The following RFC3 variants were observed in gnomAD, a reference collection of about 807,000 sequenced individuals.
RFC3 encodes the protein A1 38 kDa subunit.
Under a neutral mutation model 45.1 loss-of-function variants are expected in RFC3, and 41 were observed. The ratio of observed to expected loss-of-function variants is 0.91; its 90% CI spans 0.71 to 1.18. The LOEUF (loss-of-function observed/expected upper bound fraction) is 1.18. Ranked by LOEUF, RFC3 falls within the 50% of genes most tolerant of loss-of-function variation. The probability of loss-of-function intolerance (pLI) is 0.00; values close to 1 mark genes in which losing one functional copy is unlikely to be tolerated. For synonymous variants in RFC3, 149 were observed against 144.0 expected (o/e 1.03, Z -0.25); for missense variants, 423 against 428.1 (o/e 0.99, Z 0.10).
chr13:33,959,663 G>A (rs1217693531), intron 8 of RFC3, among the ~76,000 whole-genome samples: 1 of 152,124 alleles, frequency 6.6e-6, no homozygotes, highest in East Asian at 1.9e-4. Flanking sequence ...ACCAGACAGT[G>A]ATCTCTGGCA....
chr13:33,967,936 T>C (rs182208294), downstream of RFC3, among the ~76,000 whole-genome samples: 4 of 152,300 alleles, frequency 2.6e-5, no homozygotes, highest in Admixed American at 1.3e-4. Context: ...TCCATAAAGC[T>C]CTTTGGAATA....
At chr13:33,883,912 C>T (rs6562162) in intron 8 of RFC3, among the ~76,000 whole-genome samples, 15,141 of 151,950 alleles carry the variant, frequency 0.1, 1,470 homozygotes, top group African/African-American at 0.23. Context: ...GTAACAAACC[C>T]GCACTTGTAC....
intron 8 of RFC3, among the ~76,000 whole-genome samples, chr13:33,845,353 A>C (rs2082229575): frequency 6.8e-6 from 1 of 146,248 alleles, no homozygotes; most frequent in Non-Finnish European, 1.6e-5. Flanking sequence ...ATCCATTTGA[A>C]TAAACTTTCT....
At chr13:33,826,267 G>A (rs1192972859) in intron 4 of RFC3, among the ~76,000 whole-genome samples, 1 of 152,016 alleles carries the variant, frequency 6.6e-6, no homozygotes, top group Non-Finnish European at 1.5e-5. Context: ...TATATATATG[G>A]ATACATTCTT....
chr13:33,950,072 TAC>T (rs71196530), intron 8 of RFC3, among the ~76,000 whole-genome samples: 64,655 of 144,674 alleles, frequency 0.45, 14,543 homozygotes, highest in East Asian at 0.74. Flanking sequence ...TCTCTCGCTC[TAC>T]ACACACACAC....
chr13:33,824,012 T>C (rs1048759985), intron 3 of RFC3, 28 bp downstream of exon 3: 1 of 1,187,078 alleles, frequency 8.4e-7, no homozygotes, highest in African/African-American at 1.6e-5. Context: ...AGAAATTAAG[T>C]ATTTTTAAAG....
chr13:33,899,808 A>G (rs2082628081), intron 8 of RFC3, among the ~76,000 whole-genome samples: 5 of 152,114 alleles, frequency 3.3e-5, no homozygotes, highest in Admixed American at 3.3e-4. Flanking sequence ...AACTGTTAGA[A>G]CTGATAAATA....
intron 8 of RFC3, among the ~76,000 whole-genome samples, chr13:33,898,957 G>A (rs2082619602): frequency 6.6e-6 from 1 of 151,500 alleles, no homozygotes; most frequent in African/African-American, 2.4e-5. Flanking sequence ...GAACCATGAA[G>A]AAATTAAAAA....
chr13:33,977,247 C>T, the RFC3 span, among the ~76,000 whole-genome samples: 1 of 152,120 alleles, frequency 6.6e-6, no homozygotes, highest in Non-Finnish European at 1.5e-5. Context: ...GGTTCATTAA[C>T]TGCGGTCTAT....
chr13:33,973,946 C>T, the RFC3 span, among the ~76,000 whole-genome samples: 2 of 152,096 alleles, frequency 1.3e-5, no homozygotes, highest in Non-Finnish European at 2.9e-5. Context: ...CTCAAAGGCA[C>T]CTCTGATTGT....
At chr13:33,889,292 T>C (rs2082548487) in intron 8 of RFC3, among the ~76,000 whole-genome samples, 1 of 152,248 alleles carries the variant, frequency 6.6e-6, no homozygotes, top group Admixed American at 6.5e-5. Context: ...CCAACAGGGC[T>C]GGGCTAGTTT....
intron 8 of RFC3, among the ~76,000 whole-genome samples, chr13:33,931,059 G>A (rs2082848860): frequency 6.6e-6 from 1 of 152,010 alleles, no homozygotes; most frequent in South Asian, 2.1e-4. Context: ...TACATGATAT[G>A]TAGGACTTAG....
chr13:33,859,012 C>G (rs565636859), intron 8 of RFC3, among the ~76,000 whole-genome samples: 1 of 152,288 alleles, frequency 6.6e-6, no homozygotes, highest in African/African-American at 2.4e-5. Context: ...TCCTTCTCTC[C>G]CTGACTTCTG....
chr13:33,934,973 C>G (rs1227318588), intron 8 of RFC3, among the ~76,000 whole-genome samples: 1 of 152,112 alleles, frequency 6.6e-6, no homozygotes, highest in Non-Finnish European at 1.5e-5. Flanking sequence ...CCCTGCTGAA[C>G]CTGTCATGAA....
At chr13:33,925,997 G>A (rs1005823559) in intron 8 of RFC3, among the ~76,000 whole-genome samples, 7 of 151,976 alleles carry the variant, frequency 4.6e-5, no homozygotes, top group Non-Finnish European at 8.8e-5. Context: ...GGAAAATGTG[G>A]CACATATACA....
downstream of RFC3, among the ~76,000 whole-genome samples, chr13:33,840,854 A>G (rs2082193149): frequency 6.6e-6 from 1 of 152,214 alleles, no homozygotes; most frequent in South Asian, 2.1e-4. Flanking sequence ...CTGTGATAAA[A>G]TATATACAAA....
intron 8 of RFC3, among the ~76,000 whole-genome samples, chr13:33,855,853 A>G (rs945655772): frequency 1.3e-5 from 2 of 152,044 alleles, no homozygotes; most frequent in Non-Finnish European, 2.9e-5. Context: ...AGTTTTTTAT[A>G]GGTGCTGGAT....
intron 8 of RFC3, among the ~76,000 whole-genome samples, chr13:33,866,928 G>T (rs2082377336): frequency 6.6e-6 from 1 of 152,114 alleles, no homozygotes; most frequent in Non-Finnish European, 1.5e-5. Flanking sequence ...TTGTACATAT[G>T]TGTACATATA....
chr13:33,846,843 T>G (rs2082241113), intron 8 of RFC3: 1 of 152,280 alleles, frequency 6.6e-6, no homozygotes, highest in Non-Finnish European at 1.5e-5. Flanking sequence ...CTCTGTGGGT[T>G]CTGTCATGTG....
Sources: gnomAD v4.1 joint callset for allele counts (sites outside exome capture counted in the v4.1 genomes callset) on GRCh38, gnomAD v4.1.1 for gene constraint, MANE v1.5 for transcripts, NCBI Gene and HGNC (gene_info 2026-07-23, HGNC 2026-07-21) for gene names.